The following MALRD1 variants were observed in gnomAD, a reference collection of about 807,000 sequenced individuals.
MALRD1 encodes the protein MAM and LDL receptor class A domain containing 1, also known as MAM and LDL-receptor class A domain-containing protein 1.
MALRD1 carries 247 observed loss-of-function variants against 242.1 expected under a neutral mutation model. That is an observed-to-expected ratio of 1.02 (90% CI 0.92 to 1.13). The LOEUF (loss-of-function observed/expected upper bound fraction) is 1.13. Ranked by LOEUF, MALRD1 falls within the 50% of genes most tolerant of loss-of-function variation. The pLI, the probability that MALRD1 is intolerant of heterozygous loss-of-function variation, is 0.00. For missense variants in MALRD1, 2,989 were observed against 2,533.1 expected (o/e 1.18, Z -3.86); for synonymous variants, 995 against 866.6 (o/e 1.15, Z -2.60).
intron 26 of MALRD1, among the ~76,000 whole-genome samples, chr10:19,377,645 T>TG (rs1360994545): frequency 1.3e-5 from 2 of 151,746 alleles, no homozygotes; most frequent in Non-Finnish European, 2.9e-5. Flanking sequence ...AATTATTTTT[T>TG]TTTCATTTTT....
chr10:19,137,637 C>CA (rs1217354150), intron 10 of MALRD1, among the ~76,000 whole-genome samples: 1 of 143,284 alleles, frequency 7.0e-6, no homozygotes, highest in African/African-American at 2.5e-5. Flanking sequence ...AAAAAGAAAT[C>CA]ACTTCAGCCA....
At chr10:19,156,455 A>T (rs967060407) in intron 12 of MALRD1, among the ~76,000 whole-genome samples, 40 of 134,864 alleles carry the variant, frequency 3.0e-4, no homozygotes, top group African/African-American at 1.2e-3. Context: ...AAAGATAGAT[A>T]TAGAGCGTTT....
At chr10:19,480,544 C>T (rs1295497415) in intron 29 of MALRD1, among the ~76,000 whole-genome samples, 1 of 152,186 alleles carries the variant, frequency 6.6e-6, no homozygotes, top group African/African-American at 2.4e-5. Context: ...TTCGGCATAT[C>T]AGCAGTAGCA....
chr10:19,437,477 G>T (rs770393850), intron 28 of MALRD1, among the ~76,000 whole-genome samples: 3 of 151,838 alleles, frequency 2.0e-5, no homozygotes, highest in Non-Finnish European at 4.4e-5. Flanking sequence ...ATTTTGAATT[G>T]TTCTTCAGCC....
intron 28 of MALRD1, among the ~76,000 whole-genome samples, chr10:19,397,452 G>A (rs982605813): frequency 5.9e-5 from 9 of 152,024 alleles, no homozygotes; most frequent in Non-Finnish European, 1.0e-4. Context: ...ATTCCATTGT[G>A]TATATAGACC....
intron 28 of MALRD1, among the ~76,000 whole-genome samples, chr10:19,426,235 G>C (rs1033516215): frequency 6.6e-6 from 1 of 152,084 alleles, no homozygotes; most frequent in South Asian, 2.1e-4. Context: ...GAGGAAAATG[G>C]GGTACTTAGT....
At chr10:19,462,299 C>T (rs1190905254) in intron 29 of MALRD1, among the ~76,000 whole-genome samples, 1 of 152,196 alleles carries the variant, frequency 6.6e-6, no homozygotes, top group Non-Finnish European at 1.5e-5. Context: ...CCCTAATCAT[C>T]CTAGGTTTAA....
intron 14 of MALRD1, among the ~76,000 whole-genome samples, chr10:19,187,725 C>T (rs1835799966): frequency 6.6e-6 from 1 of 152,012 alleles, no homozygotes; most frequent in African/African-American, 2.4e-5. Flanking sequence ...AAACCAAATA[C>T]CACATGTTCT....
chr10:19,518,554 T>C (rs113821773), intron 31 of MALRD1, among the ~76,000 whole-genome samples: 22 of 152,330 alleles, frequency 1.4e-4, no homozygotes, highest in African/African-American at 4.8e-4. Context: ...AACATCTCTA[T>C]AATGACATAC....
At chr10:19,123,788 A>G (rs988406711) in intron 6 of MALRD1, among the ~76,000 whole-genome samples, 195 bp downstream of exon 6, 7 of 152,188 alleles carry the variant, frequency 4.6e-5, no homozygotes, top group Non-Finnish European at 1.0e-4. Flanking sequence ...GAAACAAACT[A>G]AAGCCACTGT....
intron 29 of MALRD1, among the ~76,000 whole-genome samples, chr10:19,462,386 T>G (rs1350029546): frequency 1.3e-5 from 2 of 152,196 alleles, no homozygotes; most frequent in Admixed American, 6.5e-5. Context: ...TAAATCTGCT[T>G]CTCATAGAAA....
intron 21 of MALRD1, among the ~76,000 whole-genome samples, chr10:19,298,001 C>G (rs952353234): frequency 6.6e-6 from 1 of 151,830 alleles, no homozygotes; most frequent in Non-Finnish European, 1.5e-5. Flanking sequence ...TTGTCTTCAT[C>G]CATTTTGTGT....
intron 19 of MALRD1, among the ~76,000 whole-genome samples, chr10:19,272,775 T>C (rs79377920): frequency 2.8e-4 from 43 of 152,264 alleles, no homozygotes; most frequent in African/African-American, 9.1e-4. Context: ...AGTGAGAACA[T>C]GTGGTGTTTG....
rs139330187 is a variant in MALRD1, at chr10:19,264,038, G to C, written c.3079+6267G>C. On this transcript the variant is annotated intron_variant, in intron 19 of 39. Transcript: ENST00000454679. The stretch of plus-strand genomic sequence containing the variant: ...TAACTTTGGGCTTGTACAGGGGTTC[G>C]CTTTTACCCACATCCTCCCAATACT... Among the ~76,000 whole-genome samples the C allele has an allele frequency of 1.8e-3, 281 of 152,168 alleles. 2 individuals are homozygous for C. The highest frequency in any genetic ancestry group is 6.4e-3 in the African/African-American group (266 of 41,524).
intron 9 of MALRD1, among the ~76,000 whole-genome samples, chr10:19,136,366 T>A (rs1439582577): frequency 6.6e-6 from 1 of 152,056 alleles, no homozygotes; most frequent in Non-Finnish European, 1.5e-5. Context: ...TACTTTAAGT[T>A]TTAGGGAACA....
At chr10:19,169,472 G>A (rs1459160653) in intron 13 of MALRD1, among the ~76,000 whole-genome samples, 1 of 151,944 alleles carries the variant, frequency 6.6e-6, no homozygotes, top group Non-Finnish European at 1.5e-5. Context: ...CCTAAATACA[G>A]CTCAGGATTA....
chr10:19,444,290 A>G (rs1287309756), intron 28 of MALRD1, among the ~76,000 whole-genome samples: 3 of 152,148 alleles, frequency 2.0e-5, no homozygotes, highest in Non-Finnish European at 4.4e-5. Flanking sequence ...TTTTAATTGG[A>G]ACATTGAGCC....
intron 34 of MALRD1, among the ~76,000 whole-genome samples, chr10:19,598,759 A>C (rs1466662943): frequency 1.3e-5 from 2 of 151,574 alleles, no homozygotes; most frequent in African/African-American, 4.9e-5. Flanking sequence ...ATGAGATCAA[A>C]GAGAGAGGAT....
chr10:19,102,344 A>G (rs544735211), intron 4 of MALRD1, among the ~76,000 whole-genome samples: 4 of 152,034 alleles, frequency 2.6e-5, no homozygotes, highest in African/African-American at 9.6e-5. Flanking sequence ...CTAAGTAGTT[A>G]CACTTATTTT....
Sources: gnomAD v4.1 joint callset for allele counts (sites outside exome capture counted in the v4.1 genomes callset) on GRCh38, gnomAD v4.1.1 for gene constraint, MANE v1.5 for transcripts, NCBI Gene and HGNC (gene_info 2026-07-23, HGNC 2026-07-21) for gene names.